The following ARAP2 variants were observed in gnomAD, a reference collection of about 807,000 sequenced individuals.
ARAP2 encodes ArfGAP with RhoGAP domain, ankyrin repeat and PH domain 2.
Under a neutral mutation model 194.5 loss-of-function variants are expected in ARAP2, and 148 were observed. That is an observed-to-expected ratio of 0.76 (90% CI 0.67 to 0.87). The LOEUF (loss-of-function observed/expected upper bound fraction) is 0.87, where lower values mean the gene tolerates loss of function less well. Among genes scored for constraint, ARAP2 ranks in the 40% least tolerant of loss-of-function variants. ARAP2 has a pLI of 0.00. For synonymous variants in ARAP2, 695 were observed against 683.5 expected (o/e 1.02, Z -0.26); for missense variants, 2,128 against 1,989.7 (o/e 1.07, Z -1.32).
At chr4:36,211,478 T>A (rs1256341804) in intron 5 of ARAP2, among the ~76,000 whole-genome samples, 1 of 152,204 alleles carries the variant, frequency 6.6e-6, no homozygotes, top group South Asian at 2.1e-4. Flanking sequence ...GAAACAGATA[T>A]GCCTGGGCTC....
chr4:36,009,233 G>T (rs533050351), intron 9 of ARAP2, among the ~76,000 whole-genome samples: 1 of 152,070 alleles, frequency 6.6e-6, no homozygotes, highest in East Asian at 1.9e-4. Context: ...CTACCAAAAA[G>T]AACAATATGT....
chr4:36,240,403 G>A (rs1405812476), intron 1 of ARAP2, among the ~76,000 whole-genome samples: 2 of 152,130 alleles, frequency 1.3e-5, no homozygotes, highest in African/African-American at 2.4e-5. Flanking sequence ...ATGTAGTAAC[G>A]TATACATGTA....
intron 6 of ARAP2, among the ~76,000 whole-genome samples, chr4:36,199,168 C>T (rs1297914843): frequency 3.3e-5 from 5 of 152,236 alleles, no homozygotes; most frequent in African/African-American, 1.2e-4. Context: ...ATGGCAGCAG[C>T]GGCTCCAGAT....
intron 8 of ARAP2, among the ~76,000 whole-genome samples, chr4:36,014,309 GGAAAGAAAGAAAGAGA>G (rs1177332573): frequency 7.0e-5 from 6 of 85,248 alleles, no homozygotes; most frequent in Admixed American, 1.3e-4. Context: ...AGAGAAGGAA[GGAAAGAAAGAAAGAGA>G]GAAAGAAAGA....
chr4:36,207,093 C>T (rs1208581409), intron 6 of ARAP2, among the ~76,000 whole-genome samples: 1 of 152,182 alleles, frequency 6.6e-6, no homozygotes, highest in Non-Finnish European at 1.5e-5. Context: ...CACAGCCATC[C>T]AACCATGTTC....
At chr4:36,166,873 G>A in intron 10 of ARAP2, 59 bp downstream of exon 10, 3 of 1,011,954 alleles carry the variant, frequency 3.0e-6, no homozygotes, top group South Asian at 3.5e-5. Context: ...CAACATAAAG[G>A]TGGATCACCC....
chr4:36,227,387 T>C (rs1306581665), intron 2 of ARAP2, among the ~76,000 whole-genome samples: 2 of 152,210 alleles, frequency 1.3e-5, no homozygotes, highest in African/African-American at 4.8e-5. Flanking sequence ...ACTTTGCTAC[T>C]GGCACTAGGG....
intron 10 of ARAP2, 23 bp downstream of exon 10, chr4:36,166,909 C>A (rs753189976): frequency 6.7e-7 from 1 of 1,485,284 alleles, no homozygotes; most frequent in South Asian, 1.2e-5. Flanking sequence ...AGTACGAACA[C>A]AAAATGTTTA....
chr4:36,079,241 G>A (rs936723554), intron 31 of ARAP2, among the ~76,000 whole-genome samples: 4 of 148,314 alleles, frequency 2.7e-5, no homozygotes, highest in African/African-American at 9.9e-5. Flanking sequence ...AAGAAGAAAA[G>A]CCTCTAAAAA....
intron 19 of ARAP2, among the ~76,000 whole-genome samples, chr4:36,145,787 A>G (rs987498011): frequency 3.3e-5 from 5 of 151,818 alleles, no homozygotes; most frequent in East Asian, 1.9e-4. Context: ...AGACCTTTAC[A>G]TATTGGGGGA....
rs144925654 is a variant in ARAP2, at chr4:36,055,469, T to A, written n.321+2501A>T. 2.2e-3 allele frequency among the ~76,000 whole-genome samples: 342 copies of A among 152,336 alleles called. 1 individual carries two copies. Among genetic ancestry groups the A allele is most frequent in the African/African-American group, 8.1e-3 (335 of 41,586 alleles). ...CTAACTTGTTCTAAAATAGTTGTTA[T>A]ATGTCTAATTTCCTGATTCAACTCA... is the stretch of plus-strand genomic sequence containing the variant. On this transcript the variant is annotated intron_variant and non_coding_transcript_variant, in intron 2 of 12. Coordinates refer to the ARAP2 transcript ENST00000503225.
At chr4:36,118,238 A>G (rs1043412264) in intron 24 of ARAP2, among the ~76,000 whole-genome samples, 2 of 150,930 alleles carry the variant, frequency 1.3e-5, no homozygotes, top group African/African-American at 2.4e-5. Context: ...GCTTTTCACT[A>G]TGTTTGCATA....
chr4:36,063,827 A>G (rs1331839966), downstream of ARAP2, among the ~76,000 whole-genome samples: 1 of 152,186 alleles, frequency 6.6e-6, no homozygotes, highest in African/African-American at 2.4e-5. Context: ...CTTCATGCAA[A>G]TTTTGTTAAG....
At position 36,068,281 on chromosome 4, in the gene ARAP2, AAAAAT is replaced by A. The variant is rs778838247; in HGVS notation, c.4744-8_4744-4del. The A allele has an allele frequency of 1.3e-6, 2 of 1,516,100 alleles. No individual in the cohort carries two copies. The highest frequency in any genetic ancestry group is 1.8e-6 in the Non-Finnish European group (2 of 1,134,248). The allele number at this position is 1,516,100 out of a possible 1,614,324, so 93.9% of individuals were successfully genotyped here. ...CTTTCAAGTTCTGCTCTTGCACTCT[AAAAAT>A]AAAATTAAATGTCTCACAGGGAAGC... On this transcript the variant is annotated splice_region_variant and splice_polypyrimidine_tract_variant and intron_variant, in intron 32 of 32. Transcript: ENST00000303965.
intron 3 of ARAP2, chr4:36,047,216 T>C: frequency 6.6e-6 from 1 of 152,286 alleles, no homozygotes; most frequent in East Asian, 1.9e-4. Flanking sequence ...ACAGGACGCA[T>C]ATAAGCACAC....
intron 1 of ARAP2, among the ~76,000 whole-genome samples, chr4:36,060,227 G>C (rs769164500): frequency 6.6e-6 from 1 of 152,118 alleles, no homozygotes; most frequent in Non-Finnish European, 1.5e-5. Flanking sequence ...GTCTTTCTTT[G>C]AAAGGTTCAG....
chr4:36,068,350 C>T, intron 32 of ARAP2, 72 bp from the exon 33 acceptor site: 3 of 1,448,476 alleles, frequency 2.1e-6, no homozygotes, highest in Non-Finnish European at 2.7e-6. Flanking sequence ...GTGCAATCCA[C>T]ATAAAAGTTG....
At chr4:36,156,339 A>AAGAG (rs1242478442) in intron 15 of ARAP2, among the ~76,000 whole-genome samples, 3 of 26,536 alleles carry the variant, frequency 1.1e-4, no homozygotes, top group African/African-American at 2.8e-4. Flanking sequence ...GAGGGAGGGA[A>AAGAG]AGAGAGAGAG....
chr4:36,162,692 G>T (rs1234144227), intron 11 of ARAP2, among the ~76,000 whole-genome samples: 1 of 149,092 alleles, frequency 6.7e-6, no homozygotes, highest in Non-Finnish European at 1.5e-5. Context: ...CATTTATAAT[G>T]ACTACCTACA....
Sources: allele counts gnomAD v4.1 joint callset (sites outside exome capture counted in the v4.1 genomes callset), GRCh38; gene constraint gnomAD v4.1.1; transcripts MANE v1.5; gene names NCBI Gene and HGNC (gene_info 2026-07-23, HGNC 2026-07-21).